Variants in TRPM3 observed in about 807,000 individuals in gnomAD.
TRPM3 encodes long transient receptor potential channel 3.
In TRPM3, 77 loss-of-function variants were observed where a neutral mutation model predicts 181.2. The observed-to-expected ratio is 0.42, with a 90% CI of 0.35 to 0.51. The LOEUF is 0.51. TRPM3 is among the 20% of genes least tolerant of loss of function. The pLI, the probability that TRPM3 is intolerant of heterozygous loss-of-function variation, is 0.01. For synonymous variants in TRPM3, 745 were observed against 796.4 expected (o/e 0.94, Z 1.09); for missense variants, 1,759 against 2,196.7 (o/e 0.80, Z 3.98).
intron 9 of TRPM3, among the ~76,000 whole-genome samples, chr9:70,649,560 C>T (rs541538829): frequency 1.3e-5 from 2 of 152,138 alleles, no homozygotes; most frequent in South Asian, 2.1e-4. Flanking sequence ...GTATCACTAT[C>T]GTTAGAAAAA....
intron 8 of TRPM3, among the ~76,000 whole-genome samples, chr9:70,686,745 T>TCCTTCCCTC (rs2067000095): frequency 1.2e-5 from 1 of 85,598 alleles, no homozygotes. Context: ...TTCCTTCCCT[T>TCCTTCCCTC]CCTCCTTCTC....
chr9:71,067,192 G>T (rs1591135461), intron 1 of TRPM3, among the ~76,000 whole-genome samples: 1 of 151,868 alleles, frequency 6.6e-6, no homozygotes, highest in African/African-American at 2.4e-5. Flanking sequence ...TAACTTCTAG[G>T]TTCCTTACAC....
intron 12 of TRPM3, among the ~76,000 whole-genome samples, chr9:70,630,339 C>A (rs12001853): frequency 6.6e-6 from 1 of 152,204 alleles, no homozygotes; most frequent in Non-Finnish European, 1.5e-5. Context: ...TTACTCCTTT[C>A]GGCCCACTGG....
rs180849554 is a variant in TRPM3 at position 70,583,059 on chromosome 9, C to T, written c.3223+7972G>A. 4.4e-3 allele frequency among the ~76,000 whole-genome samples: 676 copies of T among 152,104 alleles called. 3 individuals carry two copies. Among genetic ancestry groups the T allele is most frequent in the Non-Finnish European group, 7.0e-3 (477 of 67,990 alleles). On this transcript the variant is annotated intron_variant, in intron 22 of 25. Coordinates refer to ENST00000677713, the MANE Select transcript of TRPM3 (RefSeq NM_001366145.2). ...TTTCAAGCAGGTACTGGCTTGGTAC[C>T]CCCCACCCCAGGGAACGGAAGGTTG...
intron 22 of TRPM3, among the ~76,000 whole-genome samples, chr9:70,569,353 A>C (rs1222865545): frequency 6.6e-6 from 1 of 152,232 alleles, no homozygotes; most frequent in Non-Finnish European, 1.5e-5. Context: ...TTGGGTTTGC[A>C]GTAGAATGTC....
At chr9:71,291,903 A>G (rs978743539) in intron 1 of TRPM3, among the ~76,000 whole-genome samples, 1 of 152,108 alleles carries the variant, frequency 6.6e-6, no homozygotes, top group African/African-American at 2.4e-5. Context: ...CATTTAGGAA[A>G]ATGATTGCAA....
intron 1 of TRPM3, among the ~76,000 whole-genome samples, chr9:71,197,994 T>C (rs1282398446): frequency 1.3e-5 from 2 of 151,456 alleles, no homozygotes; most frequent in Non-Finnish European, 2.9e-5. Flanking sequence ...CTAGGGTTTT[T>C]ATGGTTTTAG....
At chr9:71,206,570 G>C (rs1565341381) in intron 1 of TRPM3, among the ~76,000 whole-genome samples, 1 of 152,102 alleles carries the variant, frequency 6.6e-6, no homozygotes, top group African/African-American at 2.4e-5. Flanking sequence ...CTTTTGCTGT[G>C]CAGAAGCTCT....
chr9:71,408,149 C>T (rs1187375550), intron 1 of TRPM3, among the ~76,000 whole-genome samples: 2 of 152,278 alleles, frequency 1.3e-5, no homozygotes, highest in East Asian at 3.9e-4. Flanking sequence ...TGGGGAGAAA[C>T]CAGAGCAGAA....
At chr9:71,006,764 G>A (rs976843727) in intron 1 of TRPM3, among the ~76,000 whole-genome samples, 30 of 151,238 alleles carry the variant, frequency 2.0e-4, no homozygotes, top group African/African-American at 6.3e-4. Flanking sequence ...CCAGCTACTC[G>A]GGAGGCTGAG....
chr9:71,420,358 A>G (rs1374884259), intron 1 of TRPM3, among the ~76,000 whole-genome samples: 1 of 151,960 alleles, frequency 6.6e-6, no homozygotes, highest in East Asian at 1.9e-4. Context: ...CCCTCCCTTC[A>G]TGATAATGTT....
intron 1 of TRPM3, among the ~76,000 whole-genome samples, chr9:71,065,142 T>C (rs2061761444): frequency 6.6e-6 from 1 of 152,156 alleles, no homozygotes; most frequent in Non-Finnish European, 1.5e-5. Flanking sequence ...TCCAAATCTC[T>C]GTACAATGAA....
chr9:71,190,917 T>C (rs892996017), intron 1 of TRPM3, among the ~76,000 whole-genome samples: 1 of 151,872 alleles, frequency 6.6e-6, no homozygotes, highest in African/African-American at 2.4e-5. Context: ...AACACTCTAG[T>C]GAAATCTCCT....
intron 1 of TRPM3, among the ~76,000 whole-genome samples, chr9:71,131,306 G>A (rs973770358): frequency 2.0e-5 from 3 of 152,196 alleles, no homozygotes; most frequent in Admixed American, 6.5e-5. Flanking sequence ...TCCCTAGAGA[G>A]TCCTTCCTTG....
intron 1 of TRPM3, among the ~76,000 whole-genome samples, chr9:71,436,212 ATTCTGAGGCCTCCC>A (rs1454106596): frequency 8.1e-6 from 1 of 123,056 alleles, no homozygotes; most frequent in African/African-American, 3.2e-5. Context: ...TCCTGCCTTG[ATTCTGAGGCCTCCC>A]GCCTTGATTC....
intron 8 of TRPM3, among the ~76,000 whole-genome samples, chr9:70,742,147 T>G (rs1297657155): frequency 6.6e-6 from 1 of 151,914 alleles, no homozygotes; most frequent in Non-Finnish European, 1.5e-5. Context: ...TTATGTATGT[T>G]ATTAAGTGAA....
intron 1 of TRPM3, among the ~76,000 whole-genome samples, chr9:71,419,291 G>T (rs1176466459): frequency 6.6e-6 from 1 of 151,302 alleles, no homozygotes; most frequent in Non-Finnish European, 1.5e-5. Flanking sequence ...TATTTTTTGG[G>T]GCATTTAAAA....
At chr9:71,010,330 A>T (rs1244685831) in intron 1 of TRPM3, among the ~76,000 whole-genome samples, 1 of 152,160 alleles carries the variant, frequency 6.6e-6, no homozygotes, top group Admixed American at 6.5e-5. Flanking sequence ...CAAACCATGC[A>T]TCGGACAAGG....
chr9:71,153,626 G>T (rs1194438930), intron 1 of TRPM3, among the ~76,000 whole-genome samples: 2 of 152,120 alleles, frequency 1.3e-5, no homozygotes, highest in East Asian at 3.9e-4. Context: ...TAATGTTGAT[G>T]ATTTCGGACA....
Sources: gnomAD v4.1 joint callset for allele counts (sites outside exome capture counted in the v4.1 genomes callset) on GRCh38, gnomAD v4.1.1 for gene constraint, MANE v1.5 for transcripts, NCBI Gene and HGNC (gene_info 2026-07-23, HGNC 2026-07-21) for gene names.